Variants in MICOS10 observed in about 807,000 individuals in gnomAD.
MICOS10 encodes the protein mitochondrial contact site and cristae organizing system subunit 10.
Under a neutral mutation model 13.4 loss-of-function variants are expected in MICOS10, and 5 were observed. The observed-to-expected ratio is 0.37, with a 90% CI of 0.20 to 0.78. The LOEUF (loss-of-function observed/expected upper bound fraction) is 0.78. Ranked by LOEUF, MICOS10 falls within the 30% of genes least tolerant of loss-of-function variation. The probability of loss-of-function intolerance (pLI) is 0.47; values close to 1 mark genes in which losing one functional copy is unlikely to be tolerated. For missense variants in MICOS10, 101 were observed against 94.6 expected (o/e 1.07, Z -0.28); for synonymous variants, 35 against 33.6 (o/e 1.04, Z -0.15).
intron 1 of MICOS10, among the ~76,000 whole-genome samples, chr1:19,620,684 G>C (rs1236373214): frequency 1.3e-5 from 2 of 152,126 alleles, no homozygotes; most frequent in Non-Finnish European, 2.9e-5. Context: ...CTGGGTGGTT[G>C]GGCATATATC....
rs1420712748 is a variant in MICOS10 at position 19,627,916 on chromosome 1, CA to C, written c.*1518del. ...GAAAGGTCTGCTAGGCTCTGCCCTG[CA>C]AACTGTCCAGGCTCCTCTGCCCTCT... On this transcript the variant is annotated 3_prime_UTR_variant, in exon 4 of 4. Coordinates refer to ENST00000322753, the MANE Select transcript of MICOS10 (RefSeq NM_001032363.4). 2 of 152,348 alleles carry C rather than the reference CA, an allele frequency of 1.3e-5. No individual in the cohort carries two copies. Among genetic ancestry groups the C allele is most frequent in the African/African-American group, 4.8e-5 (2 of 41,462 alleles). The allele number at this position is 152,348 out of a possible 1,614,324, so 9.4% of individuals were successfully genotyped here. A position where few individuals can be genotyped will look rare whatever the true frequency, so the allele number is the denominator to read the frequency against.
chr1:19,600,628 G>A (rs1022304302), intron 1 of MICOS10, among the ~76,000 whole-genome samples: 9 of 152,174 alleles, frequency 5.9e-5, no homozygotes, highest in African/African-American at 2.2e-4. Flanking sequence ...TTAAGACAAG[G>A]TCTCACTCTG....
At chr1:19,603,690 T>G (rs1169283442) in intron 1 of MICOS10, among the ~76,000 whole-genome samples, 3 of 152,266 alleles carry the variant, frequency 2.0e-5, no homozygotes, top group African/African-American at 7.2e-5. Flanking sequence ...AATTCTAGTT[T>G]ATTCTAATAG....
intron 1 of MICOS10, among the ~76,000 whole-genome samples, chr1:19,611,930 C>T (rs1489074163): frequency 1.4e-5 from 2 of 139,620 alleles, no homozygotes; most frequent in African/African-American, 5.9e-5. Flanking sequence ...CAAGATCGCG[C>T]CAGTGTATTG....
chr1:19,608,505 A>G (rs1303373898), intron 1 of MICOS10: 1 of 1,130,508 alleles, frequency 8.8e-7, no homozygotes, highest in Non-Finnish European at 1.3e-6. Context: ...AGGATTGAGG[A>G]CGTCACCCCC....
intron 1 of MICOS10, among the ~76,000 whole-genome samples, chr1:19,617,934 TACAC>T (rs893150300): frequency 4.9e-4 from 74 of 151,856 alleles, no homozygotes; most frequent in Non-Finnish European, 1.8e-4. Flanking sequence ...TATATACACA[TACAC>T]ACACAGCAAA....
intron 1 of MICOS10, among the ~76,000 whole-genome samples, chr1:19,599,786 G>A (rs2094806945): frequency 6.6e-6 from 1 of 152,190 alleles, no homozygotes; most frequent in Non-Finnish European, 1.5e-5. Flanking sequence ...AGTGCAGAGA[G>A]GCTGGTTTAG....
At chr1:19,604,124 A>G (rs973081660) in intron 1 of MICOS10, among the ~76,000 whole-genome samples, 5 of 152,212 alleles carry the variant, frequency 3.3e-5, no homozygotes, top group African/African-American at 9.7e-5. Context: ...CTATAAAATG[A>G]TAGTACTTGC....
At position 19,613,455 on chromosome 1, in the gene MICOS10, G is replaced by A. The variant is rs563927402; in HGVS notation, c.65-8645G>A. ...TTGATAATTTGGCAGCAAGGAGCTT[G>A]CTGTAGCTCCTATCTCTTGCCACCT... On this transcript the variant is annotated intron_variant, in intron 1 of 3. Coordinates refer to ENST00000322753, the MANE Select transcript of MICOS10 (RefSeq NM_001032363.4). Among the ~76,000 whole-genome samples the A allele has an allele frequency of 4.1e-4, 63 of 152,298 alleles. No homozygotes were observed. In the Middle Eastern group the frequency reaches 0.02, roughly 49 times the overall value.
chr1:19,609,619 TGG>T (rs1453031778), intron 1 of MICOS10, among the ~76,000 whole-genome samples: 1 of 152,220 alleles, frequency 6.6e-6, no homozygotes, highest in African/African-American at 2.4e-5. Context: ...AAACAAAATG[TGG>T]ACTGTCCTTA....
Position 19,599,326 on chromosome 1 carries a change from G to A in MICOS10, c.64+2217G>A, listed in dbSNP as rs6693550. The stretch of plus-strand genomic sequence containing the variant: ...TCATCCTCAGCCTCCCAAAGTGCTG[G>A]CATTACAAGCTTGAGCCACTGCACC... On this transcript the variant is annotated intron_variant, in intron 1 of 3. Transcript: ENST00000322753. 3.8e-3 allele frequency among the ~76,000 whole-genome samples: 573 copies of A among 152,230 alleles called. 6 individuals are homozygous for A. The highest frequency in any genetic ancestry group is 0.013 in the African/African-American group (520 of 41,528).
At chr1:19,601,386 C>T in intron 1 of MICOS10, 1 of 198,602 alleles carries the variant, frequency 5.0e-6, no homozygotes, top group East Asian at 1.2e-4. Context: ...CGAGACCAGC[C>T]TGGGCAACAT....
chr1:19,608,396 A>G, intron 1 of MICOS10: 2 of 1,261,366 alleles, frequency 1.6e-6, no homozygotes, highest in Non-Finnish European at 1.2e-6. Flanking sequence ...TGCCCTACAC[A>G]TCCAACTCCG....
At chr1:19,620,123 T>C (rs2094898052) in intron 1 of MICOS10, among the ~76,000 whole-genome samples, 1 of 152,254 alleles carries the variant, frequency 6.6e-6, no homozygotes, top group Non-Finnish European at 1.5e-5. Flanking sequence ...CAAAAGAGCT[T>C]GTCATGCAAC....
chr1:19,626,552 A>AG lies in MICOS10; in HGVS notation c.*151_*152insG. 1 of 786,312 alleles carries AG rather than the reference A, an allele frequency of 1.3e-6. No homozygotes were observed. Among genetic ancestry groups the AG allele is most frequent in the Non-Finnish European group, 2.1e-6 (1 of 482,166 alleles). 48.7% of individuals were successfully genotyped at this position (786,312 alleles called of 1,614,324 possible). A position where few individuals can be genotyped will look rare whatever the true frequency, so the allele number is the denominator to read the frequency against. ...AGCACCTGGTTATGCATTTGAAACC[A>AG]AGTCTGTTTCTTGTTTTGTATTTTC... On this transcript the variant is annotated 3_prime_UTR_variant, in exon 4 of 4. Coordinates refer to ENST00000322753, the MANE Select transcript of MICOS10 (RefSeq NM_001032363.4).
intron 1 of MICOS10, among the ~76,000 whole-genome samples, chr1:19,610,213 G>A (rs952286854): frequency 2.0e-5 from 3 of 151,956 alleles, no homozygotes; most frequent in Non-Finnish European, 4.4e-5. Context: ...ATAGAAGGCA[G>A]AGATTGTTTT....
intron 1 of MICOS10, among the ~76,000 whole-genome samples, chr1:19,600,285 G>C (rs2094808823): frequency 1.3e-5 from 2 of 152,080 alleles, no homozygotes. Flanking sequence ...AAATAAGGGA[G>C]TTGTCCTGTT....
At chr1:19,607,481 A>C (rs1291691799) in intron 1 of MICOS10, among the ~76,000 whole-genome samples, 2 of 152,228 alleles carry the variant, frequency 1.3e-5, no homozygotes, top group Non-Finnish European at 2.9e-5. Flanking sequence ...TTGGTGTAGT[A>C]ATATTTTTAC....
At position 19,600,905 on chromosome 1, in the gene MICOS10, T is replaced by C. The variant is rs1327003933; in HGVS notation, c.64+3796T>C. ...CATGAGCCACCACACCTGGTCCATC[T>C]TGATAATTTCATACTCTGGCTTGGC... On this transcript the variant is annotated intron_variant, in intron 1 of 3. Transcript: ENST00000322753. The C allele has an allele frequency of 2.3e-6, 3 of 1,289,240 alleles. No individual in the cohort carries two copies. The African/African-American group carries it at 4.6e-5, about 20-fold the overall frequency. The allele number at this position is 1,289,240 out of a possible 1,614,324, so 79.9% of individuals were successfully genotyped here. A position where few individuals can be genotyped will look rare whatever the true frequency, so the allele number is the denominator to read the frequency against.
Sources: allele counts gnomAD v4.1 joint callset (sites outside exome capture counted in the v4.1 genomes callset), GRCh38; gene constraint gnomAD v4.1.1; transcripts MANE v1.5; gene names NCBI Gene and HGNC (gene_info 2026-07-23, HGNC 2026-07-21).